LRRC37A: variants seen among roughly 807,000 people sequenced by gnomAD.
LRRC37A encodes leucine-rich repeat-containing protein 37A.
Under a neutral mutation model 35.4 loss-of-function variants are expected in LRRC37A, and 3 were observed. That is an observed-to-expected ratio of 0.08 (90% CI 0.04 to 0.22). The LOEUF is 0.22. Ranked by LOEUF, LRRC37A falls within the 10% of genes least tolerant of loss-of-function variation. The pLI, the probability that LRRC37A is intolerant of heterozygous loss-of-function variation, is 1.00. For synonymous variants in LRRC37A, 23 were observed against 215.0 expected, an observed-to-expected ratio of 0.11 and a Z score of 7.81; for missense variants, 67 against 565.3, an observed-to-expected ratio of 0.12 and a Z score of 8.94.
chr17:46,269,041 G>A, the LRRC37A span, among the ~76,000 whole-genome samples: 3 of 152,108 alleles, frequency 2.0e-5, no homozygotes, highest in South Asian at 6.2e-4. Context: ...ACATTTTCCT[G>A]AATTTAAATA....
chr17:46,270,851 G>C, the LRRC37A span, among the ~76,000 whole-genome samples: 1 of 152,220 alleles, frequency 6.6e-6, no homozygotes, highest in African/African-American at 2.4e-5. Context: ...AGTGAGCCGA[G>C]ATCATGCCAC....
chr17:46,298,576 TAGTC>T (rs1290376387), intron 1 of LRRC37A, among the ~76,000 whole-genome samples: 9 of 24,540 alleles, frequency 3.7e-4, no homozygotes, highest in Admixed American at 1.5e-3. Context: ...AGAAAAAAAT[TAGTC>T]AGGCATGGTG....
At chr17:46,267,333 G>A in the LRRC37A span, 4 of 1,500,642 alleles carry the variant, frequency 2.7e-6, no homozygotes, top group Non-Finnish European at 2.7e-6. Context: ...CGATGAACGG[G>A]ATAGTGCATG....
chr17:46,317,180 C>CA (rs1567871592), intron 5 of LRRC37A, among the ~76,000 whole-genome samples: 2 of 84,334 alleles, frequency 2.4e-5, no homozygotes, highest in Non-Finnish European at 7.1e-5. Flanking sequence ...ACATCCCAGA[C>CA]GGGCATGCCC....
At chr17:46,271,508 A>C in the LRRC37A span, among the ~76,000 whole-genome samples, 1 of 152,054 alleles carries the variant, frequency 6.6e-6, no homozygotes, top group African/African-American at 2.4e-5. Flanking sequence ...AATCAGGAAG[A>C]GTGAAAGCTG....
the LRRC37A span, among the ~76,000 whole-genome samples, chr17:46,284,708 T>C: frequency 6.6e-6 from 1 of 152,324 alleles, no homozygotes; most frequent in South Asian, 2.1e-4. Flanking sequence ...GTTCAAAGTG[T>C]GGAATCATTA....
the LRRC37A span, chr17:46,259,978 A>C: frequency 1.3e-6 from 2 of 1,579,452 alleles, no homozygotes; most frequent in Non-Finnish European, 1.7e-6. Flanking sequence ...CTCCACAGCC[A>C]CCTGCTCTCC....
At chr17:46,275,471 A>G in the LRRC37A span, 1 of 744,474 alleles carries the variant, frequency 1.3e-6, no homozygotes. Flanking sequence ...TTTGAAAATG[A>G]TGCTTTATGC....
chr17:46,276,979 A>AT, the LRRC37A span, among the ~76,000 whole-genome samples: 1 of 141,178 alleles, frequency 7.1e-6, no homozygotes, highest in Admixed American at 7.3e-5. Flanking sequence ...AATTTTTTGT[A>AT]TTTTTTGTAG....
At chr17:46,268,449 T>C in the LRRC37A span, 2 of 1,222,664 alleles carry the variant, frequency 1.6e-6, no homozygotes, top group South Asian at 2.3e-5. Context: ...TTATATTTTC[T>C]GTTTCATGGC....
chr17:46,255,257 C>T, the LRRC37A span, among the ~76,000 whole-genome samples: 4 of 152,162 alleles, frequency 2.6e-5, no homozygotes, highest in Non-Finnish European at 5.9e-5. Flanking sequence ...GCATGAGCCA[C>T]CTTGCCCAGC....
At chr17:46,260,620 C>CTCT in the LRRC37A span, 2 of 1,076,422 alleles carry the variant, frequency 1.9e-6, no homozygotes, top group African/African-American at 2.2e-5. Context: ...TCTCTATTCT[C>CTCT]TTTTTTTTTT....
At chr17:46,273,598 T>C in the LRRC37A span, among the ~76,000 whole-genome samples, 3 of 152,246 alleles carry the variant, frequency 2.0e-5, no homozygotes, top group Admixed American at 1.3e-4. Flanking sequence ...CAGAAGTTGA[T>C]AGGACAAAGC....
At chr17:46,253,129 A>G in the LRRC37A span, among the ~76,000 whole-genome samples, 2 of 141,634 alleles carry the variant, frequency 1.4e-5, no homozygotes, top group African/African-American at 2.6e-5. Context: ...CCGGGCAGAG[A>G]CGCTCCTCAC....
the LRRC37A span, among the ~76,000 whole-genome samples, chr17:46,248,718 C>T: frequency 6.6e-6 from 1 of 152,124 alleles, no homozygotes; most frequent in Non-Finnish European, 1.5e-5. Context: ...CGAGGTTTCA[C>T]CATGTTGGCC....
At chr17:46,261,292 C>T in the LRRC37A span, among the ~76,000 whole-genome samples, 11 of 152,202 alleles carry the variant, frequency 7.2e-5, no homozygotes, top group Non-Finnish European at 1.2e-4. Flanking sequence ...CTTCCATAGG[C>T]TATCAGTCTC....
chr17:46,278,401 G>GTTTT, the LRRC37A span, among the ~76,000 whole-genome samples: 1 of 129,632 alleles, frequency 7.7e-6, no homozygotes, highest in Non-Finnish European at 1.6e-5. Flanking sequence ...GTTTTATTTT[G>GTTTT]TTTTTTTTTT....
At chr17:46,281,779 G>T in the LRRC37A span, among the ~76,000 whole-genome samples, 1 of 151,970 alleles carries the variant, frequency 6.6e-6, no homozygotes, top group Admixed American at 6.6e-5. Flanking sequence ...GAGTAGCTGG[G>T]ATTACAGGTG....
chr17:46,298,747 G>T (rs2050247813), intron 1 of LRRC37A, among the ~76,000 whole-genome samples: 5 of 90,526 alleles, frequency 5.5e-5, no homozygotes, highest in African/African-American at 1.2e-4. Flanking sequence ...AAAAAAAAAT[G>T]ATAGGAGGGA....
Sources: gnomAD v4.1 joint callset for allele counts (sites outside exome capture counted in the v4.1 genomes callset) on GRCh38, gnomAD v4.1.1 for gene constraint, MANE v1.5 for transcripts, NCBI Gene and HGNC (gene_info 2026-07-23, HGNC 2026-07-21) for gene names.